Variants in SPATA13 observed in about 807,000 individuals in gnomAD.
SPATA13 encodes the protein spermatogenesis-associated protein 13.
In SPATA13, 50 loss-of-function variants were observed where a neutral mutation model predicts 104.0. That is an observed-to-expected ratio of 0.48 (90% confidence interval 0.38 to 0.61). SPATA13 has a LOEUF of 0.61. Among genes scored for constraint, SPATA13 ranks in the 20% least tolerant of loss-of-function variants. The pLI is 0.00. For synonymous variants in SPATA13, 606 were observed against 667.5 expected (o/e 0.91, Z 1.42); for missense variants, 1,524 against 1,690.6 (o/e 0.90, Z 1.73).
intron 2 of SPATA13, among the ~76,000 whole-genome samples, chr13:24,002,586 A>G (rs1243875805): frequency 1.3e-5 from 2 of 152,088 alleles, no homozygotes; most frequent in Non-Finnish European, 1.5e-5. Flanking sequence ...GAGTCTCCCC[A>G]TCCCTCCTGG....
chr13:24,089,125 A>G (rs1879832276), intron 3 of SPATA13, among the ~76,000 whole-genome samples: 2 of 152,222 alleles, frequency 1.3e-5, no homozygotes, highest in South Asian at 4.1e-4. Flanking sequence ...TTAACTAAAA[A>G]CAGTTCCACA....
chr13:24,289,672 C>T (rs1011913913), intron 8 of SPATA13, among the ~76,000 whole-genome samples: 5 of 152,142 alleles, frequency 3.3e-5, no homozygotes, highest in Non-Finnish European at 5.9e-5. Flanking sequence ...AAGGCAGACC[C>T]GGGCATGCGG....
chr13:24,207,413 C>T (rs1870764676), intron 1 of SPATA13, among the ~76,000 whole-genome samples: 1 of 152,140 alleles, frequency 6.6e-6, no homozygotes, highest in South Asian at 2.1e-4. Context: ...CTGTTCCAGT[C>T]CCCAGTTTCA....
chr13:24,172,207 G>A (rs1247165800), intron 1 of SPATA13, among the ~76,000 whole-genome samples: 3 of 152,126 alleles, frequency 2.0e-5, no homozygotes, highest in East Asian at 1.9e-4. Context: ...TTATGAAATC[G>A]GAATGTTTGG....
In SPATA13 at chr13:24,011,249, G is replaced by T. The variant is rs1303820774; in HGVS notation, c.-146-6418G>T. On this transcript the variant is annotated intron_variant, in intron 2 of 14. Coordinates refer to the SPATA13 transcript ENST00000424834. The surrounding 1 kb of genome is among the most constrained non-coding windows in gnomAD (Gnocchi z 4.3). ...CGGAGCTCCCACCTGCCTCCCAGGG[G>T]AGTGGGCATCCACCCTGAGCACCTG... 1.3e-5 allele frequency among the ~76,000 whole-genome samples: 2 copies of T among 150,614 alleles called. No homozygotes were observed. The highest frequency in any genetic ancestry group is 4.9e-5 in the African/African-American group (2 of 40,852).
Position 24,193,387 on chromosome 13 carries a change from C to G in SPATA13, c.-111-29432C>G, listed in dbSNP as rs188640401. 2.9e-3 allele frequency among the ~76,000 whole-genome samples: 437 copies of G among 152,198 alleles called. 2 individuals are homozygous for G. The highest frequency in any genetic ancestry group is 0.01 in the African/African-American group (420 of 41,526). ...GAGGCATTGTTGACACAGGCGGTGG[C>G]CATGTTGTTTGTACTGGGGGCCTGG... On this transcript the variant is annotated intron_variant, in intron 1 of 12. Transcript: ENST00000382108.
rs1877434099 is a variant in SPATA13, at chr13:24,304,414, A to AT, written c.*1642dup. 6.6e-6 allele frequency: 1 copy of AT among 152,040 alleles called. No individual in the cohort carries two copies. Among genetic ancestry groups the AT allele is most frequent in the African/African-American group, 2.4e-5 (1 of 41,410 alleles). The allele number at this position is 152,040 out of a possible 1,614,324, so 9.4% of individuals were successfully genotyped here. A position where few individuals can be genotyped will look rare whatever the true frequency, so the allele number is the denominator to read the frequency against. ...CAGGAGATGCTGTGTTAAACTGTTA[A>AT]TGGATATCTATATGAGAAGCTCATT... On this transcript the variant is annotated 3_prime_UTR_variant, in exon 13 of 13. Transcript: ENST00000382108.
chr13:24,291,631 G>A (rs1243868312), intron 9 of SPATA13, among the ~76,000 whole-genome samples: 2 of 152,166 alleles, frequency 1.3e-5, no homozygotes, highest in African/African-American at 4.8e-5. Flanking sequence ...ATCTCCCTTC[G>A]AGCTTCCTTG....
chr13:24,247,214 G>A (rs1000561046), intron 2 of SPATA13, among the ~76,000 whole-genome samples: 2 of 152,176 alleles, frequency 1.3e-5, no homozygotes, highest in African/African-American at 4.8e-5. Flanking sequence ...CCCAGCAGGA[G>A]GGATCTGTGG....
At chr13:24,075,989 C>T (rs986616444) in intron 3 of SPATA13, among the ~76,000 whole-genome samples, 2 of 152,196 alleles carry the variant, frequency 1.3e-5, no homozygotes, top group Non-Finnish European at 2.9e-5. Flanking sequence ...GCGGTGGAAA[C>T]ACCTTCTGTT....
At chr13:24,153,512 G>T (rs982392880) in intron 3 of SPATA13, among the ~76,000 whole-genome samples, 1 of 152,206 alleles carries the variant, frequency 6.6e-6, no homozygotes, top group Non-Finnish European at 1.5e-5. Flanking sequence ...CATGTGTAAA[G>T]TACACCCTTC....
intron 3 of SPATA13, among the ~76,000 whole-genome samples, chr13:24,150,165 C>T (rs1480983359): frequency 6.6e-6 from 1 of 152,144 alleles, no homozygotes; most frequent in Non-Finnish European, 1.5e-5. Flanking sequence ...ACCCTCTGTC[C>T]TGAGACACAT....
intron 1 of SPATA13, among the ~76,000 whole-genome samples, chr13:24,168,947 CT>C (rs1348793454): frequency 5.5e-4 from 83 of 152,240 alleles, no homozygotes; most frequent in African/African-American, 1.8e-3. Flanking sequence ...TGCTTTCTAC[CT>C]TTGACTTTTC....
intron 1 of SPATA13, among the ~76,000 whole-genome samples, chr13:24,220,172 C>A (rs550562361): frequency 6.6e-6 from 1 of 152,272 alleles, no homozygotes; most frequent in East Asian, 1.9e-4. Context: ...GTACCTCTTC[C>A]TCTGTAGACA....
At chr13:24,221,112 G>C (rs984231635) in intron 1 of SPATA13, among the ~76,000 whole-genome samples, 3 of 152,220 alleles carry the variant, frequency 2.0e-5, no homozygotes, top group Non-Finnish European at 4.4e-5. Flanking sequence ...CTGGGGTACA[G>C]ATGCCCATTG....
At chr13:24,153,416 G>A (rs1034518054) in intron 3 of SPATA13, among the ~76,000 whole-genome samples, 6 of 152,194 alleles carry the variant, frequency 3.9e-5, no homozygotes, top group African/African-American at 1.4e-4. Flanking sequence ...ACTTGTTCTT[G>A]TCAGGTAGAC....
chr13:24,013,252 C>T (rs1012082869), intron 2 of SPATA13, among the ~76,000 whole-genome samples: 3 of 152,204 alleles, frequency 2.0e-5, no homozygotes, highest in Non-Finnish European at 4.4e-5. Flanking sequence ...GCTCAGCTCC[C>T]GCTCTGTAAG....
chr13:24,277,460 A>AAAG (rs56085171), intron 4 of SPATA13, among the ~76,000 whole-genome samples: 2 of 111,832 alleles, frequency 1.8e-5, no homozygotes, highest in Admixed American at 9.8e-5. Flanking sequence ...AAAAAAAAAA[A>AAAG]AAGAAGAAGT....
chr13:24,077,068 C>G (rs945076503), intron 3 of SPATA13, among the ~76,000 whole-genome samples: 10 of 152,022 alleles, frequency 6.6e-5, no homozygotes, highest in African/African-American at 2.4e-4. Context: ...AAAATACGAT[C>G]TCTGGTGGCT....
Sources: gnomAD v4.1 joint callset for allele counts (sites outside exome capture counted in the v4.1 genomes callset) on GRCh38, gnomAD v4.1.1 for gene constraint, Gnocchi (gnomAD v3.1) non-coding constraint, MANE v1.5 for transcripts, NCBI Gene and HGNC (gene_info 2026-07-23, HGNC 2026-07-21) for gene names.